The following GRIN2B variants were observed in gnomAD, a reference collection of about 807,000 sequenced individuals.
GRIN2B encodes the protein glutamate receptor ionotropic, NMDA 2B.
Under a neutral mutation model 114.5 loss-of-function variants are expected in GRIN2B, and 5 were observed. The ratio of observed to expected loss-of-function variants is 0.04; its 90% CI spans 0.02 to 0.09. The LOEUF is 0.09. Ranked by LOEUF, GRIN2B falls within the 10% of genes least tolerant of loss-of-function variation. The pLI, the probability that GRIN2B is intolerant of heterozygous loss-of-function variation, is 1.00. For synonymous variants in GRIN2B, 787 were observed against 745.1 expected (o/e 1.06, Z -0.92); for missense variants, 1,108 against 1,943.5 (o/e 0.57, Z 8.08).
At position 13,654,730 on chromosome 12, in the gene GRIN2B, G is replaced by A. The variant is rs901513268; in HGVS notation, c.1125+21015C>T. 1.1e-4 allele frequency among the ~76,000 whole-genome samples: 17 copies of A among 152,202 alleles called. No individual in the cohort carries two copies. The South Asian group carries it at 3.3e-3, about 30-fold the overall frequency. The stretch of plus-strand genomic sequence containing the variant: ...TCTGGCCATCCTGCTGGTGTGTTTT[G>A]CTCTTCTCAGGTGGTATTGTCCAGA... On this transcript the variant is annotated intron_variant, in intron 5 of 13. Transcript: ENST00000609686.
intron 3 of GRIN2B, among the ~76,000 whole-genome samples, chr12:13,832,265 C>G (rs1166948647): frequency 6.6e-6 from 1 of 152,194 alleles, no homozygotes; most frequent in Non-Finnish European, 1.5e-5. Context: ...ATCTGTGCTA[C>G]TTTTCATTCA....
chr12:13,778,662 T>C (rs1000060485), intron 3 of GRIN2B, among the ~76,000 whole-genome samples: 2 of 152,186 alleles, frequency 1.3e-5, no homozygotes, highest in Non-Finnish European at 2.9e-5. Context: ...TTTAATCAAG[T>C]GGCTCATCAA....
chr12:13,765,876 C>A (rs1489904219), intron 3 of GRIN2B, among the ~76,000 whole-genome samples: 1 of 152,116 alleles, frequency 6.6e-6, no homozygotes, highest in Non-Finnish European at 1.5e-5. Flanking sequence ...TCTCAAGTTT[C>A]TTTTATTCAT....
intron 2 of GRIN2B, among the ~76,000 whole-genome samples, chr12:13,902,148 T>C (rs911231549): frequency 4.6e-5 from 7 of 152,164 alleles, no homozygotes; most frequent in Non-Finnish European, 2.9e-5. Flanking sequence ...TTTTAGTTAA[T>C]GTAATGTAAA....
intron 3 of GRIN2B, among the ~76,000 whole-genome samples, chr12:13,793,502 T>C (rs1247740660): frequency 6.6e-6 from 1 of 152,194 alleles, no homozygotes; most frequent in Non-Finnish European, 1.5e-5. Context: ...TAACCAAAGA[T>C]GTGTTCAGTA....
intron 2 of GRIN2B, among the ~76,000 whole-genome samples, chr12:13,951,066 A>G (rs982611629): frequency 7.9e-5 from 12 of 152,348 alleles, no homozygotes; most frequent in Admixed American, 4.6e-4. Flanking sequence ...GAGTAGTGAT[A>G]TGGCCTGCCA....
intron 5 of GRIN2B, among the ~76,000 whole-genome samples, chr12:13,670,010 T>G (rs1181162763): frequency 1.3e-5 from 2 of 152,090 alleles, no homozygotes; most frequent in African/African-American, 4.8e-5. Flanking sequence ...CATTCTGTTT[T>G]ACTACATTTT....
At chr12:13,739,374 C>CAAAAAAAA (rs34320563) in intron 4 of GRIN2B, among the ~76,000 whole-genome samples, 53 of 59,344 alleles carry the variant, frequency 8.9e-4, no homozygotes, top group Non-Finnish European at 1.1e-3. Context: ...AACTCCGTCT[C>CAAAAAAAA]AAAAAAAAAA....
chr12:13,888,207 GC>G (rs1043521927), intron 2 of GRIN2B, among the ~76,000 whole-genome samples: 3 of 152,156 alleles, frequency 2.0e-5, no homozygotes, highest in Non-Finnish European at 2.9e-5. Flanking sequence ...GTGTTGTTAA[GC>G]AATTTCATCA....
rs1948286774 is a variant in GRIN2B, at chr12:13,542,235, C to A, written c.*20548G>T. On this transcript the variant is annotated 3_prime_UTR_variant, in exon 14 of 14. Coordinates refer to ENST00000609686, the MANE Select transcript of GRIN2B (RefSeq NM_000834.5). ...GGCAGAAGCAAAGTTGCTTTCCAAT[C>A]CTTTTTATTTGATTTTTTTTTTAAA... 6.6e-6 allele frequency: 1 copy of A among 151,158 alleles called. No individual in the cohort carries two copies. The highest frequency in any genetic ancestry group is 1.5e-5 in the Non-Finnish European group (1 of 67,968). 9.4% of individuals were successfully genotyped at this position (151,158 alleles called of 1,614,324 possible). A position where few individuals can be genotyped will look rare whatever the true frequency, so the allele number is the denominator to read the frequency against.
intron 3 of GRIN2B, among the ~76,000 whole-genome samples, chr12:13,769,581 CA>C (rs758078288): frequency 5.3e-5 from 8 of 152,162 alleles, no homozygotes; most frequent in South Asian, 2.1e-4. Flanking sequence ...GCATAGCAAG[CA>C]GGGACAATTT....
intron 5 of GRIN2B, among the ~76,000 whole-genome samples, chr12:13,635,544 G>A (rs1361980921): frequency 6.6e-6 from 1 of 152,160 alleles, no homozygotes; most frequent in Non-Finnish European, 1.5e-5. Context: ...GGAATCAACA[G>A]ACACCCAGTG....
intron 2 of GRIN2B, among the ~76,000 whole-genome samples, chr12:13,885,383 A>G (rs982380470): frequency 6.6e-6 from 1 of 152,208 alleles, no homozygotes; most frequent in Non-Finnish European, 1.5e-5. Flanking sequence ...ATCTATCTCT[A>G]AATTGAGAGT....
At chr12:13,778,208 T>C (rs1205308302) in intron 3 of GRIN2B, among the ~76,000 whole-genome samples, 2 of 152,224 alleles carry the variant, frequency 1.3e-5, no homozygotes, top group African/African-American at 4.8e-5. Context: ...TTTATCTTAT[T>C]CATGTAATTC....
intron 4 of GRIN2B, among the ~76,000 whole-genome samples, chr12:13,698,232 C>T (rs1222085489): frequency 3.3e-5 from 5 of 152,162 alleles, no homozygotes; most frequent in South Asian, 4.1e-4. Context: ...GCGCGGGGCG[C>T]GGGGAGCGGA....
intron 5 of GRIN2B, among the ~76,000 whole-genome samples, chr12:13,639,782 T>C (rs966976200): frequency 2.6e-5 from 4 of 152,086 alleles, no homozygotes; most frequent in African/African-American, 9.7e-5. Context: ...GTTTATCCTA[T>C]TGTTGCTTCT....
At chr12:13,644,583 G>T (rs12816165) in intron 5 of GRIN2B, among the ~76,000 whole-genome samples, 11,549 of 152,132 alleles carry the variant, frequency 0.076, 465 homozygotes, top group Non-Finnish European at 0.089. Context: ...TTAAAGCCAG[G>T]CATTGACTTC....
chr12:13,636,155 G>T (rs1300120773), intron 5 of GRIN2B, among the ~76,000 whole-genome samples: 1 of 152,212 alleles, frequency 6.6e-6, no homozygotes, highest in African/African-American at 2.4e-5. Flanking sequence ...GTGACTATCT[G>T]AAGAAAGAGG....
chr12:13,683,513 G>C (rs1565499065), intron 4 of GRIN2B: 1 of 152,376 alleles, frequency 6.6e-6, no homozygotes, highest in Non-Finnish European at 1.5e-5. Context: ...CTATCTCATA[G>C]GATTGTTGTG....
Sources: gnomAD v4.1 joint callset for allele counts (sites outside exome capture counted in the v4.1 genomes callset) on GRCh38, gnomAD v4.1.1 for gene constraint, MANE v1.5 for transcripts, NCBI Gene and HGNC (gene_info 2026-07-23, HGNC 2026-07-21) for gene names.